The following FAF1 variants were observed in gnomAD, a reference collection of about 807,000 sequenced individuals.
FAF1 encodes Fas associated factor 1, also known as FAS-associated factor 1.
FAF1 carries 25 observed loss-of-function variants against 92.5 expected under a neutral mutation model. That is an observed-to-expected ratio of 0.27 (90% CI 0.20 to 0.38). FAF1 has a LOEUF of 0.38. Ranked by LOEUF, FAF1 falls within the 10% of genes least tolerant of loss-of-function variation. The pLI is 1.00. For missense variants in FAF1, 636 were observed against 793.3 expected, an observed-to-expected ratio of 0.80 and a Z score of 2.38; for synonymous variants, 234 against 273.2, an observed-to-expected ratio of 0.86 and a Z score of 1.42.
chr1:50,473,069 T>C (rs917632374), intron 18 of FAF1, among the ~76,000 whole-genome samples: 3 of 152,094 alleles, frequency 2.0e-5, no homozygotes, highest in East Asian at 1.9e-4. Context: ...GAGCCTGAGG[T>C]TATTAACATT....
At chr1:50,850,889 T>C (rs888234802) in intron 2 of FAF1, among the ~76,000 whole-genome samples, 21 of 152,160 alleles carry the variant, frequency 1.4e-4, no homozygotes, top group Admixed American at 9.2e-4. Flanking sequence ...TTTTTGAAAC[T>C]AGCAAGAAGA....
intron 7 of FAF1, among the ~76,000 whole-genome samples, chr1:50,695,281 A>C (rs764802680): frequency 2.0e-5 from 3 of 151,846 alleles, no homozygotes; most frequent in Non-Finnish European, 2.9e-5. Flanking sequence ...GGTTGCATGC[A>C]CCTGCAACCC....
At chr1:50,755,005 G>C (rs1309261206) in intron 4 of FAF1, among the ~76,000 whole-genome samples, 1 of 152,104 alleles carries the variant, frequency 6.6e-6, no homozygotes, top group Non-Finnish European at 1.5e-5. Context: ...TTCAAGATGA[G>C]ATTTGGGTGG....
intron 18 of FAF1, among the ~76,000 whole-genome samples, chr1:50,460,650 T>C (rs1352588128): frequency 1.3e-4 from 20 of 150,932 alleles, no homozygotes; most frequent in Admixed American, 1.3e-3. Flanking sequence ...CACTTTTTTT[T>C]TGAGGCAGGG....
intron 8 of FAF1, among the ~76,000 whole-genome samples, chr1:50,628,388 G>C (rs897867168): frequency 1.3e-5 from 2 of 152,132 alleles, no homozygotes; most frequent in Non-Finnish European, 2.9e-5. Context: ...ATTTTGGTCA[G>C]TGGCAATACT....
chr1:50,534,947 A>G (rs1283481459), intron 15 of FAF1, among the ~76,000 whole-genome samples: 2 of 152,220 alleles, frequency 1.3e-5, no homozygotes, highest in East Asian at 1.9e-4. Flanking sequence ...TGCTCACAGT[A>G]CTTCAAAAAT....
At chr1:50,741,665 C>T (rs1435275864) in intron 5 of FAF1, among the ~76,000 whole-genome samples, 1 of 152,100 alleles carries the variant, frequency 6.6e-6, no homozygotes, top group Non-Finnish European at 1.5e-5. Flanking sequence ...AAAAAGTGGC[C>T]ATGGTTGAGA....
intron 1 of FAF1, among the ~76,000 whole-genome samples, chr1:50,909,222 T>C (rs1570127949): frequency 6.6e-6 from 1 of 152,240 alleles, no homozygotes; most frequent in Non-Finnish European, 1.5e-5. Context: ...TTCTGGCTGG[T>C]AGAGTTTCTG....
chr1:50,687,864 G>A (rs1030166882), intron 7 of FAF1, among the ~76,000 whole-genome samples: 6 of 151,780 alleles, frequency 4.0e-5, no homozygotes, highest in Admixed American at 6.6e-5. Flanking sequence ...TGAAACACGC[G>A]GTGGCTCACG....
intron 15 of FAF1, among the ~76,000 whole-genome samples, chr1:50,508,224 T>A (rs1647084620): frequency 6.6e-6 from 1 of 152,306 alleles, no homozygotes; most frequent in Non-Finnish European, 1.5e-5. Context: ...CCAACAACTG[T>A]ACTTCTAGGA....
intron 1 of FAF1, among the ~76,000 whole-genome samples, chr1:50,933,384 C>T (rs1463387787): frequency 1.3e-5 from 2 of 152,184 alleles, no homozygotes; most frequent in African/African-American, 4.8e-5. Context: ...TTCCACAAAT[C>T]TTTAGGGCAG....
In FAF1 at chr1:50,440,685, C is replaced by T. The variant is rs186317833; in HGVS notation, c.*755G>A. The T allele has an allele frequency of 6.6e-6, 1 of 152,356 alleles. No individual in the cohort carries two copies. The highest frequency in any genetic ancestry group is 2.4e-5 in the African/African-American group (1 of 41,584). The allele number at this position is 152,356 out of a possible 1,614,324, so 9.4% of individuals were successfully genotyped here. A position where few individuals can be genotyped will look rare whatever the true frequency, so the allele number is the denominator to read the frequency against. ...GCCCAAATGCAAACCTAACAGTAGC[C>T]TCTTGCCATTGGGCCAGATACTGAA... On this transcript the variant is annotated 3_prime_UTR_variant, in exon 19 of 19. Coordinates refer to ENST00000396153, the MANE Select transcript of FAF1 (RefSeq NM_007051.3).
intron 1 of FAF1, among the ~76,000 whole-genome samples, chr1:50,906,541 C>T (rs1054333322): frequency 6.6e-6 from 1 of 152,110 alleles, no homozygotes; most frequent in African/African-American, 2.4e-5. Flanking sequence ...TGTTTGTATC[C>T]TCTTTTAGTT....
At chr1:50,449,445 A>T (rs1646268043) in intron 18 of FAF1, among the ~76,000 whole-genome samples, 1 of 151,944 alleles carries the variant, frequency 6.6e-6, no homozygotes, top group African/African-American at 2.4e-5. Flanking sequence ...GATTTTGTTC[A>T]AAATTAGCAT....
At chr1:50,779,538 T>G (rs193145803) in intron 4 of FAF1, among the ~76,000 whole-genome samples, 2 of 151,828 alleles carry the variant, frequency 1.3e-5, no homozygotes, top group Middle Eastern at 3.2e-3. Context: ...CCTGTATATA[T>G]TGATATCTAA....
chr1:50,707,322 T>C (rs922063532), intron 6 of FAF1, among the ~76,000 whole-genome samples: 3 of 152,000 alleles, frequency 2.0e-5, no homozygotes, highest in African/African-American at 7.3e-5. Flanking sequence ...CATGAAATAT[T>C]AGTAACCAAA....
At chr1:50,635,217 C>T (rs1478326133) in intron 8 of FAF1, among the ~76,000 whole-genome samples, 1 of 152,172 alleles carries the variant, frequency 6.6e-6, no homozygotes, top group African/African-American at 2.4e-5. Context: ...TGTTCAAAGA[C>T]ATACTGCCTA....
chr1:50,463,586 T>C (rs983159616), intron 18 of FAF1, among the ~76,000 whole-genome samples: 3 of 152,246 alleles, frequency 2.0e-5, no homozygotes, highest in Admixed American at 6.5e-5. Context: ...TTAGCCCCAG[T>C]TGTCTAACCT....
chr1:50,799,112 C>T (rs1030586786), intron 3 of FAF1, among the ~76,000 whole-genome samples: 1 of 152,096 alleles, frequency 6.6e-6, no homozygotes, highest in Non-Finnish European at 1.5e-5. Flanking sequence ...ACGCCCAGCT[C>T]TCAAAGGAAA....
Sources: allele counts gnomAD v4.1 joint callset (sites outside exome capture counted in the v4.1 genomes callset), GRCh38; gene constraint gnomAD v4.1.1; transcripts MANE v1.5; gene names NCBI Gene and HGNC (gene_info 2026-07-23, HGNC 2026-07-21).